Variants in UBXN7 observed in about 807,000 individuals in gnomAD.
UBXN7 encodes UBX domain-containing protein 7.
Under a neutral mutation model 58.0 loss-of-function variants are expected in UBXN7, and 9 were observed. The ratio of observed to expected loss-of-function variants is 0.16; its 90% CI spans 0.09 to 0.27. The LOEUF (loss-of-function observed/expected upper bound fraction) is 0.27. Among genes scored for constraint, UBXN7 ranks in the 10% least tolerant of loss-of-function variants. UBXN7 has a pLI of 1.00. For missense variants in UBXN7, 328 were observed against 599.6 expected (o/e 0.55, Z 4.73); for synonymous variants, 208 against 205.0 (o/e 1.01, Z -0.12).
rs1250195770 is a variant in UBXN7, at chr3:196,402,959, T to C, written c.282A>G (p.Leu94=). ...KQEILVEPEP[L]FGAPKRRRPA... is the part of the protein sequence containing the mutation. ...GGAAAAAAGTGAACTTACCACCAAA[T>C]AATGGTTCTGGTTCCACCAGTATTT... Residue 94 remains leucine (L), a synonymous_variant, in exon 3 of 11, where the codon TTA becomes TTG. Transcript: ENST00000296328. 1.9e-6 allele frequency: 3 copies of C among 1,596,534 alleles called. No homozygotes were observed.
At chr3:196,415,300 C>T (rs1005970277) in intron 1 of UBXN7, among the ~76,000 whole-genome samples, 4 of 151,304 alleles carry the variant, frequency 2.6e-5, no homozygotes, top group Non-Finnish European at 2.9e-5. Context: ...ACAATAGGCG[C>T]ACGCCACCAC....
rs1728136184 is a variant in UBXN7 at position 196,348,493 on chromosome 3, T to G, written c.*8192A>C. The G allele has an allele frequency of 6.6e-6, 1 of 152,214 alleles. No homozygotes were observed. The highest frequency in any genetic ancestry group is 6.5e-5 in the Admixed American group (1 of 15,276). The allele number at this position is 152,214 out of a possible 1,614,324, so 9.4% of individuals were successfully genotyped here. A position where few individuals can be genotyped will look rare whatever the true frequency, so the allele number is the denominator to read the frequency against. ...GATGAAATTTAGAGCCTGTCCTGCA[T>G]TAAGAATGCAAATCTCAGTAAGACC... is the stretch of plus-strand genomic sequence containing the variant. On this transcript the variant is annotated 3_prime_UTR_variant, in exon 11 of 11. Transcript: ENST00000296328.
At chr3:196,394,945 T>C (rs1729724567) in intron 3 of UBXN7, among the ~76,000 whole-genome samples, 2 of 152,350 alleles carry the variant, frequency 1.3e-5, no homozygotes, top group South Asian at 4.1e-4. Flanking sequence ...ACCCAGTCTT[T>C]AAGTATTTTA....
intron 1 of UBXN7, among the ~76,000 whole-genome samples, chr3:196,424,684 C>T (rs1015417917): frequency 6.7e-6 from 1 of 149,880 alleles, no homozygotes; most frequent in African/African-American, 2.5e-5. Flanking sequence ...CTAGGCCTCG[C>T]CTCATCCATT....
intron 1 of UBXN7, chr3:196,431,416 T>C (rs144703751): frequency 1.6e-4 from 25 of 152,548 alleles, no homozygotes; most frequent in African/African-American, 5.5e-4. Flanking sequence ...ATTCATAGAA[T>C]GGCTTTAGGG....
chr3:196,428,012 T>A (rs1446477988), intron 1 of UBXN7, among the ~76,000 whole-genome samples: 1 of 152,096 alleles, frequency 6.6e-6, no homozygotes, highest in East Asian at 1.9e-4. Flanking sequence ...TAATCCCAGC[T>A]ACTGCGGAGG....
rs565309091 is a variant in UBXN7, at chr3:196,419,776, C to T, written c.74-12383G>A. On this transcript the variant is annotated intron_variant, in intron 1 of 10. Transcript: ENST00000296328. ...GAAAAACGTCCTCCAAAAGACTACTCGAACCTTCATTTCAGACTTCCGGCC... is the reference window on the plus strand; with the variant it reads ...GAAAAACGTCCTCCAAAAGACTACTTGAACCTTCATTTCAGACTTCCGGCC... Among the ~76,000 whole-genome samples, 28 of 152,204 alleles carry T rather than the reference C, an allele frequency of 1.8e-4. No homozygotes were observed. In the South Asian group the frequency reaches 5.8e-3, roughly 32 times the overall value.
At chr3:196,390,190 T>A (rs906724243) in intron 5 of UBXN7, among the ~76,000 whole-genome samples, 1 of 151,062 alleles carries the variant, frequency 6.6e-6, no homozygotes, top group Non-Finnish European at 1.5e-5. Flanking sequence ...CTGCACTCCA[T>A]CCCAGGTGAC....
chr3:196,409,464 A>T (rs1022222811), intron 1 of UBXN7, among the ~76,000 whole-genome samples: 3 of 151,998 alleles, frequency 2.0e-5, no homozygotes, highest in Admixed American at 2.0e-4. Context: ...TTTTACTGTG[A>T]TGTCATGTGC....
At chr3:196,424,282 A>C (rs1730778419) in intron 1 of UBXN7, among the ~76,000 whole-genome samples, 1 of 151,548 alleles carries the variant, frequency 6.6e-6, no homozygotes. Flanking sequence ...TCTTCTTTGC[A>C]GTCCCCCGGA....
At chr3:196,426,385 CAAAAAAAA>C (rs58979892) in intron 1 of UBXN7, among the ~76,000 whole-genome samples, 2 of 114,206 alleles carry the variant, frequency 1.8e-5, no homozygotes, top group Non-Finnish European at 3.7e-5. Context: ...GACTTCGTCT[CAAAAAAAA>C]AAAAAAAAAG....
chr3:196,412,106 A>G (rs1730346493), intron 1 of UBXN7, among the ~76,000 whole-genome samples: 1 of 151,050 alleles, frequency 6.6e-6, no homozygotes, highest in Admixed American at 6.6e-5. Flanking sequence ...GCAGGTGCCT[A>G]ATAGCTCCCA....
chr3:196,426,772 C>G (rs532285680), intron 1 of UBXN7, among the ~76,000 whole-genome samples: 1 of 151,068 alleles, frequency 6.6e-6, no homozygotes, highest in African/African-American at 2.4e-5. Flanking sequence ...CGCTTGAACC[C>G]GGGAGGTGGA....
At chr3:196,432,238 G>A (rs1361743386) in intron 1 of UBXN7, 89 bp downstream of exon 1, 9 of 1,542,660 alleles carry the variant, frequency 5.8e-6, no homozygotes, top group Middle Eastern at 1.7e-4. Context: ...GCCCGAAGGA[G>A]GAATGCCTGA....
At chr3:196,394,789 G>A (rs1407739376) in intron 3 of UBXN7, among the ~76,000 whole-genome samples, 1 of 152,104 alleles carries the variant, frequency 6.6e-6, no homozygotes, top group Non-Finnish European at 1.5e-5. Context: ...ATTTCTTAGG[G>A]ATTGGATTGG....
chr3:196,407,601 A>G (rs1173903539), intron 1 of UBXN7, among the ~76,000 whole-genome samples: 4 of 152,170 alleles, frequency 2.6e-5, no homozygotes, highest in Non-Finnish European at 4.4e-5. Context: ...TAGCAGCATT[A>G]AAGAGTAATC....
chr3:196,385,130 G>A (rs965458420), intron 5 of UBXN7, among the ~76,000 whole-genome samples: 3 of 152,198 alleles, frequency 2.0e-5, no homozygotes, highest in African/African-American at 4.8e-5. Context: ...AGCCTGCCGA[G>A]TGCCTGGGAT....
chr3:196,394,045 T>C (rs897190208), intron 3 of UBXN7, among the ~76,000 whole-genome samples: 1 of 152,132 alleles, frequency 6.6e-6, no homozygotes, highest in South Asian at 2.1e-4. Context: ...TCCCAGCACT[T>C]TGGGAGGCCA....
At chr3:196,417,079 C>G (rs187049522) in intron 1 of UBXN7, among the ~76,000 whole-genome samples, 1 of 152,136 alleles carries the variant, frequency 6.6e-6, no homozygotes, top group Non-Finnish European at 1.5e-5. Flanking sequence ...TTTGGGGGGC[C>G]GAGGCGGGCG....
Sources: gnomAD v4.1 joint callset for allele counts (sites outside exome capture counted in the v4.1 genomes callset) on GRCh38, gnomAD v4.1.1 for gene constraint, MANE v1.5 for transcripts, NCBI Gene and HGNC (gene_info 2026-07-23, HGNC 2026-07-21) for gene names.